The following PPARGC1A variants were observed in gnomAD, a reference collection of about 807,000 sequenced individuals.
The protein encoded by PPARGC1A is PPARG coactivator 1 alpha, also known as peroxisome proliferator-activated receptor gamma coactivator 1-alpha.
PPARGC1A carries 25 observed loss-of-function variants against 88.7 expected under a neutral mutation model. That is an observed-to-expected ratio of 0.28 (90% confidence interval 0.21 to 0.39). The LOEUF (loss-of-function observed/expected upper bound fraction) is 0.39, where lower values mean the gene tolerates loss of function less well. Ranked by LOEUF, PPARGC1A falls within the 10% of genes least tolerant of loss-of-function variation. The probability of loss-of-function intolerance (pLI) is 1.00; values close to 1 mark genes in which losing one functional copy is unlikely to be tolerated. For missense variants in PPARGC1A, 880 were observed against 968.7 expected, an observed-to-expected ratio of 0.91 and a Z score of 1.22; for synonymous variants, 363 against 355.6, an observed-to-expected ratio of 1.02 and a Z score of -0.24.
At chr4:23,929,495 T>C in the PPARGC1A span, among the ~76,000 whole-genome samples, 1 of 152,194 alleles carries the variant, frequency 6.6e-6, no homozygotes, top group Admixed American at 6.5e-5. Context: ...GTAAGGCTAG[T>C]GCTGCCTCCC....
the PPARGC1A span, among the ~76,000 whole-genome samples, chr4:24,039,576 G>C: frequency 6.6e-6 from 1 of 152,148 alleles, no homozygotes; most frequent in Admixed American, 6.6e-5. Context: ...CTCAAAAAGA[G>C]GCCTCTGATG....
the PPARGC1A span, among the ~76,000 whole-genome samples, chr4:24,344,336 T>C: frequency 1.3e-3 from 200 of 152,342 alleles, 2 homozygotes; most frequent in Middle Eastern, 6.8e-3. Context: ...GTGTTTTCCA[T>C]AGTGGCTGTA....
the PPARGC1A span, among the ~76,000 whole-genome samples, chr4:24,019,094 T>C: frequency 6.6e-6 from 1 of 152,180 alleles, no homozygotes; most frequent in Non-Finnish European, 1.5e-5. Flanking sequence ...ATCATCCACA[T>C]GGTTCTTAAT....
At chr4:24,231,676 C>T in the PPARGC1A span, among the ~76,000 whole-genome samples, 1 of 152,104 alleles carries the variant, frequency 6.6e-6, no homozygotes, top group African/African-American at 2.4e-5. Flanking sequence ...ACTGTATTTC[C>T]ATAAGGAAAC....
chr4:23,892,068 T>C (rs1717931079), upstream of PPARGC1A, among the ~76,000 whole-genome samples: 1 of 152,200 alleles, frequency 6.6e-6, no homozygotes, highest in African/African-American at 2.4e-5. Flanking sequence ...TTTGTGTTTA[T>C]CCAATGCTAG....
At chr4:24,027,378 T>C in the PPARGC1A span, among the ~76,000 whole-genome samples, 5 of 152,168 alleles carry the variant, frequency 3.3e-5, no homozygotes, top group Admixed American at 6.6e-5. Context: ...CTTGACTCTG[T>C]TTCTTCCTCT....
chr4:24,433,362 G>A, the PPARGC1A span, among the ~76,000 whole-genome samples: 3 of 152,038 alleles, frequency 2.0e-5, no homozygotes, highest in South Asian at 6.3e-4. Context: ...TCGCTCTGGG[G>A]GGGACAGGCA....
intron 2 of PPARGC1A, among the ~76,000 whole-genome samples, chr4:23,840,857 T>C (rs956387727): frequency 2.0e-5 from 3 of 152,164 alleles, no homozygotes; most frequent in Non-Finnish European, 4.4e-5. Flanking sequence ...ATTTGTCTTC[T>C]TAATAATGTT....
chr4:24,211,237 C>G, the PPARGC1A span, among the ~76,000 whole-genome samples: 4 of 152,154 alleles, frequency 2.6e-5, no homozygotes, highest in East Asian at 3.9e-4. Flanking sequence ...AATGAGAAAC[C>G]TGAAATTCAA....
the PPARGC1A span, among the ~76,000 whole-genome samples, chr4:24,080,266 TACTC>T: frequency 3.3e-5 from 5 of 152,068 alleles, no homozygotes; most frequent in Admixed American, 1.3e-4. Flanking sequence ...TCTATATAAT[TACTC>T]AATCAGTTTA....
At chr4:23,987,082 G>A in the PPARGC1A span, among the ~76,000 whole-genome samples, 19 of 152,130 alleles carry the variant, frequency 1.2e-4, no homozygotes, top group Admixed American at 2.6e-4. Flanking sequence ...TAGGGAATAC[G>A]TTGTAGATAT....
chr4:23,874,130 T>C (rs1276355448), intron 2 of PPARGC1A, among the ~76,000 whole-genome samples: 1 of 152,260 alleles, frequency 6.6e-6, no homozygotes, highest in African/African-American at 2.4e-5. Context: ...TCTATTTATG[T>C]GACAGGTTGA....
At chr4:24,126,085 T>C in the PPARGC1A span, among the ~76,000 whole-genome samples, 1 of 152,312 alleles carries the variant, frequency 6.6e-6, no homozygotes, top group South Asian at 2.1e-4. Flanking sequence ...GAGAGTAAAG[T>C]GACTTGCCCA....
chr4:24,103,567 C>T, the PPARGC1A span, among the ~76,000 whole-genome samples: 1 of 130,926 alleles, frequency 7.6e-6, no homozygotes, highest in African/African-American at 3.0e-5. Flanking sequence ...AGTTGTTTTG[C>T]TTTTAAGATG....
chr4:23,849,069 G>A (rs1188310131), intron 2 of PPARGC1A, among the ~76,000 whole-genome samples: 2 of 152,092 alleles, frequency 1.3e-5, no homozygotes, highest in African/African-American at 4.8e-5. Context: ...GCATGAACCC[G>A]GGAGGCAGAG....
chr4:23,831,853 C>T, intron 2 of PPARGC1A, 102 bp from the exon 3 acceptor site: 1 of 892,282 alleles, frequency 1.1e-6, no homozygotes, highest in Non-Finnish European at 1.8e-6. Context: ...TACGTGAAAT[C>T]TAGAATGCCC....
the PPARGC1A span, among the ~76,000 whole-genome samples, chr4:24,122,386 T>TGC: frequency 2.9e-5 from 1 of 34,330 alleles, no homozygotes; most frequent in African/African-American, 9.8e-5. Context: ...TGTATGCGTA[T>TGC]GTGTGTGTGT....
the PPARGC1A span, among the ~76,000 whole-genome samples, chr4:24,012,157 G>C: frequency 1.3e-5 from 2 of 152,092 alleles, no homozygotes; most frequent in Non-Finnish European, 2.9e-5. Flanking sequence ...ATGAATCTTA[G>C]ACACCAAGAA....
At chr4:23,889,584 C>T (rs531507972) in intron 1 of PPARGC1A, among the ~76,000 whole-genome samples, 83 of 152,286 alleles carry the variant, frequency 5.5e-4, no homozygotes, top group Middle Eastern at 6.8e-3. Context: ...AAGACTTCAG[C>T]TTCTGATTCA....
Sources: allele counts gnomAD v4.1 joint callset (sites outside exome capture counted in the v4.1 genomes callset), GRCh38; gene constraint gnomAD v4.1.1; transcripts MANE v1.5; gene names NCBI Gene and HGNC (gene_info 2026-07-23, HGNC 2026-07-21).